TTC3: variants seen among roughly 807,000 people sequenced by gnomAD.
The protein encoded by TTC3 is E3 ubiquitin-protein ligase TTC3.
In TTC3, 180 loss-of-function variants were observed where a neutral mutation model predicts 249.6. The observed-to-expected ratio is 0.72, with a 90% CI of 0.64 to 0.82. The LOEUF is 0.82. TTC3 is among the 40% of genes least tolerant of loss of function. TTC3 has a pLI of 0.00. For synonymous variants in TTC3, 717 were observed against 805.0 expected (o/e 0.89, Z 1.85); for missense variants, 2,061 against 2,398.4 (o/e 0.86, Z 2.94).
At chr21:37,090,343 A>G (rs2073096051) in intron 6 of TTC3, 57 bp downstream of exon 6, 2 of 1,435,976 alleles carry the variant, frequency 1.4e-6, no homozygotes, top group Non-Finnish European at 2.0e-6. Context: ...CAGTCATCTC[A>G]CTGCTCATTT....
chr21:37,115,145 G>A (rs921710064), intron 11 of TTC3, among the ~76,000 whole-genome samples: 14 of 147,246 alleles, frequency 9.5e-5, no homozygotes, highest in Admixed American at 2.0e-4. Context: ...AAACCTGCAC[G>A]TTGTGCACAT....
chr21:37,093,595 T>G (rs887199769), intron 7 of TTC3, among the ~76,000 whole-genome samples: 24 of 152,128 alleles, frequency 1.6e-4, no homozygotes, highest in African/African-American at 5.8e-4. Context: ...TTTCATGCAT[T>G]TTTATTGAAT....
Position 37,144,249 on chromosome 21 carries a change from A to AT in TTC3, c.1773-276_1773-275insT, listed in dbSNP as rs1555889714. Among the ~76,000 whole-genome samples the AT allele has an allele frequency of 2.1e-4, 31 of 151,048 alleles. 1 individual carries two copies. The highest frequency in any genetic ancestry group is 1.2e-3 in the East Asian group (6 of 5,110). On this transcript the variant is annotated intron_variant, in intron 20 of 45. Transcript: ENST00000355666. Reference sequence around the variant, plus strand: ...CTAGAACTTAAAGTATAATAAAAAAAATATATATATATAAACAACAAACAA... The same window carrying AT: ...CTAGAACTTAAAGTATAATAAAAAAATATATATATATATAAACAACAAACAA...
At position 37,104,862 on chromosome 21, in the gene TTC3, T is replaced by C. The variant is rs559150682; in HGVS notation, c.846-3530T>C. ...TGATTCAATTAACCTAGAGTAAAGC[T>C]TGGGCATTGGGCTTCTAGGAACTCC... On this transcript the variant is annotated intron_variant, in intron 10 of 45. Coordinates refer to ENST00000355666, the Ensembl canonical transcript of TTC3. Among the ~76,000 whole-genome samples the C allele has an allele frequency of 2.0e-5, 3 of 152,320 alleles. No homozygotes were observed. In the East Asian group the frequency reaches 5.8e-4, roughly 29 times the overall value.
chr21:37,201,704 A>G (rs1377672569), exon 46 of TTC3: 2 of 1,129,902 alleles, frequency 1.8e-6, no homozygotes, highest in African/African-American at 1.6e-5. Context: ...ATACATGGAA[A>G]TCGTTAATAT....
Position 37,087,237 on chromosome 21 carries a change from G to A in TTC3, c.-11-10G>A. 1.2e-6 allele frequency: 2 copies of A among 1,609,696 alleles called. No individual in the cohort carries two copies. The highest frequency in any genetic ancestry group is 1.7e-6 in the Non-Finnish European group (2 of 1,178,658). On this transcript the variant is annotated splice_polypyrimidine_tract_variant and intron_variant, in intron 1 of 45. Coordinates refer to ENST00000355666, the Ensembl canonical transcript of TTC3. ...TTAATTACTGACTTGAGTTTGTGTT[G>A]TCTCCTTAGACTTGTGCACCATGGA... is the stretch of plus-strand genomic sequence containing the variant.
intron 11 of TTC3, among the ~76,000 whole-genome samples, chr21:37,110,309 A>G (rs2075537098): frequency 6.8e-6 from 1 of 146,208 alleles, no homozygotes; most frequent in African/African-American, 2.5e-5. Context: ...AGAAACTTTG[A>G]AAAAAAATTA....
At chr21:37,138,892 C>T (rs1375730991) in intron 19 of TTC3, among the ~76,000 whole-genome samples, 178 bp downstream of exon 19, 1 of 152,012 alleles carries the variant, frequency 6.6e-6, no homozygotes, top group Non-Finnish European at 1.5e-5. Flanking sequence ...TAGAAAAAGG[C>T]TTTGCCAGGC....
exon 33 of TTC3, chr21:37,166,089 C>G: frequency 6.2e-7 from 1 of 1,614,226 alleles, no homozygotes; most frequent in South Asian, 1.1e-5. Flanking sequence ...AAGCGAGTCT[C>G]CTGTAATTCC....
intron 21 of TTC3, among the ~76,000 whole-genome samples, chr21:37,145,843 G>T (rs1320303111): frequency 6.6e-6 from 1 of 152,124 alleles, no homozygotes; most frequent in Non-Finnish European, 1.5e-5. Flanking sequence ...CTAATGGAGT[G>T]AGAACTCACT....
At chr21:37,180,053 T>A (rs1454561386) in intron 35 of TTC3, among the ~76,000 whole-genome samples, 1 of 152,240 alleles carries the variant, frequency 6.6e-6, no homozygotes, top group Non-Finnish European at 1.5e-5. Flanking sequence ...ATTTCTTGAA[T>A]GTTCTCTTAA....
At chr21:37,073,346 T>G (rs925941377) in exon 1 of TTC3, 1 of 864,178 alleles carries the variant, frequency 1.2e-6, no homozygotes, top group African/African-American at 1.8e-5. Flanking sequence ...CGTCCGAGGC[T>G]CGCGGGCGGC....
intron 23 of TTC3, 93 bp downstream of exon 23, chr21:37,148,740 A>C: frequency 1.3e-6 from 1 of 768,512 alleles, no homozygotes; most frequent in Non-Finnish European, 2.0e-6. Context: ...TCTGCACATA[A>C]TTAGAAAATT....
Position 37,149,823 on chromosome 21 carries a change from CAT to C in TTC3, c.2119-254_2119-253del, listed in dbSNP as rs1264360621. ...GTGTTTGTTAAACCTTTTGTCTAGA[CAT>C]GTGTATGTCATGTCTGGTCACTTTG... On this transcript the variant is annotated intron_variant, in intron 23 of 45. Transcript: ENST00000355666. Among the ~76,000 whole-genome samples, 4 of 152,150 alleles carry C rather than the reference CAT, an allele frequency of 2.6e-5. No homozygotes were observed. The South Asian group carries it at 6.2e-4, about 24-fold the overall frequency.
At chr21:37,167,235 A>G (rs1426101264) in intron 33 of TTC3, among the ~76,000 whole-genome samples, 1 of 152,216 alleles carries the variant, frequency 6.6e-6, no homozygotes, top group African/African-American at 2.4e-5. Context: ...AACAAGGAAG[A>G]GATGAAATCA....
chr21:37,124,470 A>C lies in TTC3; in HGVS notation c.1110-149A>C, dbSNP rs11088382. 1,250 of 729,198 alleles carry C rather than the reference A, an allele frequency of 1.7e-3. 8 individuals are homozygous for C. The highest frequency in any genetic ancestry group is 1.3e-3 in the Non-Finnish European group (608 of 462,240). The allele number at this position is 729,198 out of a possible 1,614,324, so 45.2% of individuals were successfully genotyped here. ...TAATGCCAAATATAAAATAATGTTTATGTATAAAGCCCCATCTCACAGGTA... is the reference window on the plus strand; with the variant it reads ...TAATGCCAAATATAAAATAATGTTTCTGTATAAAGCCCCATCTCACAGGTA... On this transcript the variant is annotated intron_variant, in intron 13 of 45. Coordinates refer to ENST00000355666, the Ensembl canonical transcript of TTC3.
At chr21:37,124,829 AT>A in intron 14 of TTC3, 87 bp downstream of exon 14, 1 of 1,463,518 alleles carries the variant, frequency 6.8e-7, no homozygotes, top group Non-Finnish European at 9.2e-7. Flanking sequence ...TAGAAACCAA[AT>A]TTTTGGCGAT....
chr21:37,150,256 G>A, intron 24 of TTC3, 86 bp downstream of exon 24: 1 of 951,548 alleles, frequency 1.1e-6, no homozygotes, highest in Non-Finnish European at 1.6e-6. Context: ...TAGATATCAT[G>A]TAATTTGGAT....
chr21:37,097,994 C>T (rs1484159692), intron 10 of TTC3: 2 of 708,702 alleles, frequency 2.8e-6, no homozygotes, highest in Admixed American at 2.1e-5. Flanking sequence ...AATCCAACCA[C>T]CTTGGAGAAT....
Sources: gnomAD v4.1 joint callset for allele counts (sites outside exome capture counted in the v4.1 genomes callset) on GRCh38, gnomAD v4.1.1 for gene constraint, MANE v1.5 for transcripts, NCBI Gene and HGNC (gene_info 2026-07-23, HGNC 2026-07-21) for gene names.